Variants in LIPI observed in about 807,000 individuals in gnomAD.
LIPI encodes the protein lipase I.
LIPI carries 59 observed loss-of-function variants against 50.6 expected under a neutral mutation model. The ratio of observed to expected loss-of-function variants is 1.16; its 90% CI spans 0.94 to 1.45. The LOEUF (loss-of-function observed/expected upper bound fraction) is 1.45, where lower values mean the gene tolerates loss of function less well. Ranked by LOEUF, LIPI falls within the 40% of genes most tolerant of loss-of-function variation. LIPI has a pLI of 0.00. For missense variants in LIPI, 586 were observed against 536.3 expected, an observed-to-expected ratio of 1.09 and a Z score of -0.92; for synonymous variants, 203 against 178.2, an observed-to-expected ratio of 1.14 and a Z score of -1.11.
At chr21:14,205,523 C>A (rs13048747) in intron 1 of LIPI, among the ~76,000 whole-genome samples, 44,165 of 151,490 alleles carry the variant, frequency 0.29, 6,641 homozygotes, top group Middle Eastern at 0.37. Flanking sequence ...ACACTGTAAA[C>A]ACATGTATAT....
rs1405742216 is a variant in LIPI, at chr21:14,186,033, C to T, written c.469G>A (p.Gly157Ser). 1 of 1,605,286 alleles carries T rather than the reference C, an allele frequency of 6.2e-7. No homozygotes were observed. The highest frequency in any genetic ancestry group is 8.5e-7 in the Non-Finnish European group (1 of 1,172,250). Residue 157 changes from glycine (G) to serine (S), a missense_variant, in exon 3 of 10, where the codon GGT becomes AGT. By Grantham distance (56) the Gly-to-Ser change is moderately conservative. Transcript: ENST00000681601. ...CTGATATGAGCCCCTAAGCTCACACCTATGAAATGAAAATTGTCAAGAGAT... is the reference window on the plus strand; with the variant it reads ...CTGATATGAGCCCCTAAGCTCACACTTATGAAATGAAAATTGTCAAGAGAT... Reference protein sequence around the residue: ...GASLDNFHFIGVSLGAHISGF... With the variant: ...GASLDNFHFISVSLGAHISGF...
At chr21:14,161,882 TTATATTA>T (rs1353771007) in intron 7 of LIPI, among the ~76,000 whole-genome samples, 3 of 119,002 alleles carry the variant, frequency 2.5e-5, no homozygotes, top group Non-Finnish European at 3.5e-5. Flanking sequence ...ATAACATATA[TTATATTA>T]ATATAATATA....
At chr21:14,187,079 A>C (rs145683340) in intron 2 of LIPI, among the ~76,000 whole-genome samples, 430 of 152,274 alleles carry the variant, frequency 2.8e-3, no homozygotes, top group Middle Eastern at 0.01. Context: ...AAAGTTCAAT[A>C]ATGATTCTCA....
At chr21:14,205,880 C>T (rs1028853122) in intron 1 of LIPI, among the ~76,000 whole-genome samples, 1 of 151,964 alleles carries the variant, frequency 6.6e-6, no homozygotes, top group African/African-American at 2.4e-5. Context: ...GAGAAATAGA[C>T]TAAGTAACTC....
At chr21:14,174,350 T>C (rs1051141109) in intron 4 of LIPI, among the ~76,000 whole-genome samples, 15 of 151,998 alleles carry the variant, frequency 9.9e-5, no homozygotes, top group African/African-American at 3.4e-4. Context: ...ATAAGACACA[T>C]GCAGAAAAAG....
At chr21:14,193,860 G>A (rs984571183) in intron 1 of LIPI, among the ~76,000 whole-genome samples, 2 of 152,052 alleles carry the variant, frequency 1.3e-5, no homozygotes, top group Non-Finnish European at 2.9e-5. Flanking sequence ...CACTGAATGT[G>A]AGAAAATATT....
In LIPI at chr21:14,189,100, A is replaced by G. The variant is rs760652666; in HGVS notation, c.366T>C (p.Tyr122=). The G allele has an allele frequency of 3.1e-6, 5 of 1,612,674 alleles. No homozygotes were observed. Among genetic ancestry groups the G allele is most frequent in the East Asian group, 2.2e-5 (1 of 44,866 alleles). Residue 122 remains tyrosine, a synonymous_variant, in exon 2 of 10, where the codon TAT becomes TAC. Transcript: ENST00000681601. The part of the protein sequence containing the change: ...DWSRGATTFI[Y]NRAVKNTRKV... ...TTCTGGTGTTTTTAACTGCTCTATT[A>G]TAAATAAAAGTTGTAGCACCCCGGC...
chr21:14,191,681 C>T (rs2019682586), intron 1 of LIPI, among the ~76,000 whole-genome samples: 1 of 152,120 alleles, frequency 6.6e-6, no homozygotes, highest in Admixed American at 6.6e-5. Flanking sequence ...TCTCATTTCT[C>T]TTGGAAATTT....
chr21:14,172,632 C>T (rs377229841), intron 4 of LIPI, among the ~76,000 whole-genome samples: 2,585 of 151,474 alleles, frequency 0.017, 59 homozygotes, highest in African/African-American at 0.051. Context: ...AACCAAACAC[C>T]GCATATTCTC....
At chr21:14,183,329 A>T (rs2019339781) in intron 3 of LIPI, among the ~76,000 whole-genome samples, 1 of 152,218 alleles carries the variant, frequency 6.6e-6, no homozygotes, top group South Asian at 2.1e-4. Flanking sequence ...TTAATTCAAG[A>T]TGGATTAAAG....
chr21:14,154,152 T>A (rs2018195409), intron 7 of LIPI, among the ~76,000 whole-genome samples: 2 of 139,068 alleles, frequency 1.4e-5, no homozygotes, highest in African/African-American at 2.5e-5. Context: ...CCACTGAGAC[T>A]GGAAAATAAC....
rs1330292611 is a variant in LIPI, at chr21:14,109,063, T to C, written c.1313A>G (p.Tyr438Cys). The change falls in exon 10 of 10, where the codon TAT becomes TGT. Residue 438 changes from tyrosine (Y) to cysteine (C), a missense_variant. By Grantham distance (194) the Tyr-to-Cys change is radical (BLOSUM62 -2). Coordinates refer to ENST00000681601, the MANE Select transcript of LIPI (RefSeq NM_001302998.2). ...CTCTCTGTCTTTAAGTACAATATTA[T>C]ACCTGCAAAGTGGTGGTCTGAGAAA... ...TYPERPPLCR[Y>C]NIVLKDREEV... The C allele has an allele frequency of 1.9e-6, 3 of 1,595,646 alleles. No individual in the cohort carries two copies. The highest frequency in any genetic ancestry group is 2.7e-5 in the African/African-American group (2 of 74,488).
intron 8 of LIPI, among the ~76,000 whole-genome samples, chr21:14,147,978 T>C (rs1262288813): frequency 6.6e-6 from 1 of 152,176 alleles, no homozygotes; most frequent in Non-Finnish European, 1.5e-5. Context: ...ATTACTCATA[T>C]GTCTGGGCCA....
chr21:14,143,898 T>A (rs1333787249), intron 9 of LIPI: 1 of 154,610 alleles, frequency 6.5e-6, no homozygotes, highest in Non-Finnish European at 1.5e-5. Flanking sequence ...AAAACACTTC[T>A]GGAGCATGTC....
chr21:14,203,065 C>A (rs1445010825), intron 1 of LIPI, among the ~76,000 whole-genome samples: 2 of 152,044 alleles, frequency 1.3e-5, no homozygotes, highest in African/African-American at 4.8e-5. Context: ...TTTATGCAGC[C>A]AAAAGACACA....
chr21:14,200,628 A>T (rs1444356033), intron 1 of LIPI, among the ~76,000 whole-genome samples: 1 of 152,110 alleles, frequency 6.6e-6, no homozygotes, highest in African/African-American at 2.4e-5. Context: ...AAAATAATCG[A>T]AAAACATACC....
At chr21:14,201,525 T>A (rs1017612435) in intron 1 of LIPI, among the ~76,000 whole-genome samples, 6 of 152,118 alleles carry the variant, frequency 3.9e-5, no homozygotes, top group Non-Finnish European at 5.9e-5. Context: ...GCAAGGCTGG[T>A]TCAACATACG....
At chr21:14,164,439 C>G (rs1482407560) in intron 6 of LIPI, among the ~76,000 whole-genome samples, 3 of 152,122 alleles carry the variant, frequency 2.0e-5, no homozygotes, top group South Asian at 2.1e-4. Context: ...CATACCCCTC[C>G]TAGGGTGTTC....
chr21:14,152,544 G>T, intron 8 of LIPI, 29 bp downstream of exon 8: 4 of 1,067,488 alleles, frequency 3.7e-6, no homozygotes, highest in South Asian at 2.6e-5. Context: ...TTGAATATAT[G>T]AGAGAAGAAA....
Sources: gnomAD v4.1 joint callset for allele counts (sites outside exome capture counted in the v4.1 genomes callset) on GRCh38, gnomAD v4.1.1 for gene constraint, MANE v1.5 for transcripts, NCBI Gene and HGNC (gene_info 2026-07-23, HGNC 2026-07-21) for gene names.